SH2D4B: variants seen among roughly 807,000 people sequenced by gnomAD.
SH2D4B encodes the protein SH2 domain-containing protein 4B.
In SH2D4B, 45 loss-of-function variants were observed where a neutral mutation model predicts 61.5. The observed-to-expected ratio is 0.73, with a 90% confidence interval of 0.58 to 0.94. SH2D4B has a LOEUF of 0.94. SH2D4B is among the 40% of genes least tolerant of loss of function. The pLI, the probability that SH2D4B is intolerant of heterozygous loss-of-function variation, is 0.00. For missense variants in SH2D4B, 572 were observed against 574.2 expected (o/e 1.00, Z 0.04); for synonymous variants, 224 against 220.4 (o/e 1.02, Z -0.14).
At chr10:80,640,946 A>G (rs6586121) in intron 7 of SH2D4B, among the ~76,000 whole-genome samples, 36,079 of 152,064 alleles carry the variant, frequency 0.24, 4,487 homozygotes, top group Admixed American at 0.32. Context: ...CTTTGGTTGC[A>G]ATATTGGTGA....
chr10:80,586,889 G>A (rs1252116653), intron 3 of SH2D4B, among the ~76,000 whole-genome samples: 1 of 152,108 alleles, frequency 6.6e-6, no homozygotes, highest in African/African-American at 2.4e-5. Flanking sequence ...CCACCGGGAG[G>A]AACGAGCAAC....
chr10:80,586,805 C>T (rs1046363725), intron 3 of SH2D4B, among the ~76,000 whole-genome samples: 3 of 152,288 alleles, frequency 2.0e-5, no homozygotes, highest in Non-Finnish European at 2.9e-5. Context: ...TTTGGTTCCA[C>T]GCTGCCTTTA....
chr10:80,541,178 A>C (rs575942587), intron 1 of SH2D4B, among the ~76,000 whole-genome samples: 4 of 152,012 alleles, frequency 2.6e-5, no homozygotes, highest in Non-Finnish European at 5.9e-5. Context: ...GAAGAGGAGG[A>C]GATTTCAGGG....
At chr10:80,565,523 C>T (rs187814197) in intron 1 of SH2D4B, among the ~76,000 whole-genome samples, 3 of 151,980 alleles carry the variant, frequency 2.0e-5, no homozygotes, top group Admixed American at 1.3e-4. Context: ...AGCCTCCCTG[C>T]TAGCTGGGAC....
At chr10:80,568,390 G>A (rs1379474261) in intron 1 of SH2D4B, among the ~76,000 whole-genome samples, 3 of 152,132 alleles carry the variant, frequency 2.0e-5, no homozygotes, top group Admixed American at 6.6e-5. Context: ...GCAATCTTTC[G>A]GCAAGGAGGT....
intron 4 of SH2D4B, among the ~76,000 whole-genome samples, chr10:80,598,105 G>T (rs4934370): frequency 1 from 152,104 of 152,346 alleles, 75,931 homozygotes; most frequent in Middle Eastern, 1. Flanking sequence ...GGAGTCCTGT[G>T]CTAGCTCTGC....
chr10:80,557,472 A>G (rs1398066922), intron 1 of SH2D4B, among the ~76,000 whole-genome samples: 1 of 152,106 alleles, frequency 6.6e-6, no homozygotes, highest in African/African-American at 2.4e-5. Flanking sequence ...TAAATGTTTG[A>G]TGGAATTTAC....
chr10:80,610,897 G>T (rs1280479473), intron 6 of SH2D4B, among the ~76,000 whole-genome samples: 1 of 152,204 alleles, frequency 6.6e-6, no homozygotes, highest in Non-Finnish European at 1.5e-5. Flanking sequence ...TTAGTCAGGC[G>T]CAGTGGCTCA....
At chr10:80,580,224 G>A (rs114963994) in intron 3 of SH2D4B, among the ~76,000 whole-genome samples, 2,334 of 152,310 alleles carry the variant, frequency 0.015, 61 homozygotes, top group African/African-American at 0.051. Flanking sequence ...ATTTTGACAG[G>A]CTGGGAAGCC....
intron 1 of SH2D4B, among the ~76,000 whole-genome samples, chr10:80,560,691 AGC>A (rs1564768594): frequency 5.2e-5 from 7 of 134,784 alleles, no homozygotes; most frequent in African/African-American, 1.7e-4. Flanking sequence ...TTCCTGGCCA[AGC>A]TTTTTTTTTT....
At chr10:80,562,962 C>T (rs1841921570) in intron 1 of SH2D4B, among the ~76,000 whole-genome samples, 1 of 124,884 alleles carries the variant, frequency 8.0e-6, no homozygotes, top group Non-Finnish European at 1.6e-5. Context: ...AGTGCAGTGG[C>T]GGGATCTCGG....
At chr10:80,541,085 C>T (rs1229544182) in intron 1 of SH2D4B, among the ~76,000 whole-genome samples, 5 of 152,190 alleles carry the variant, frequency 3.3e-5, no homozygotes, top group East Asian at 1.9e-4. Flanking sequence ...CTCATGAGAA[C>T]GTGTCACACC....
Position 80,609,548 on chromosome 10 carries a change from C to T in SH2D4B, c.985C>T (p.His329Tyr), listed in dbSNP as rs1266895784. 2 of 1,614,212 alleles carry T rather than the reference C, an allele frequency of 1.2e-6. No homozygotes were observed. The highest frequency in any genetic ancestry group is 1.7e-6 in the Non-Finnish European group (2 of 1,180,032). The change falls in exon 6 of 8, where the codon CAT (histidine) becomes TAT (tyrosine). Residue 329 changes from histidine (H) to tyrosine (Y), a missense_variant. His to Tyr is a moderately conservative substitution (Grantham distance 83). Transcript: ENST00000646907. ...RNTKFIAPWF[H>Y]GIISREDAEA... ...CACCAAGTTCATCGCCCCCTGGTTC[C>T]ATGGTAGCACCATTTTTCTGGGCCC...
intron 1 of SH2D4B, among the ~76,000 whole-genome samples, chr10:80,551,096 A>G (rs960396112): frequency 6.6e-6 from 1 of 152,192 alleles, no homozygotes; most frequent in African/African-American, 2.4e-5. Context: ...TCTGTTGCCC[A>G]GGCTGGAGTG....
chr10:80,638,222 A>C (rs558930723), intron 7 of SH2D4B, among the ~76,000 whole-genome samples: 1 of 152,346 alleles, frequency 6.6e-6, no homozygotes, highest in South Asian at 2.1e-4. Flanking sequence ...ATCGATGTTC[A>C]TCAGGGATAT....
intron 7 of SH2D4B, 146 bp from the exon 8 acceptor site, chr10:80,643,847 T>C: frequency 2.0e-6 from 1 of 490,030 alleles, no homozygotes; most frequent in East Asian, 3.4e-5. Flanking sequence ...AAGGCAGCTC[T>C]TTTTTCCTGT....
rs143105607 is a variant in SH2D4B, at chr10:80,617,572, A to C, written c.988+8021A>C. 6.6e-5 allele frequency among the ~76,000 whole-genome samples: 10 copies of C among 152,304 alleles called. 1 individual carries two copies. Among genetic ancestry groups the C allele is most frequent in the African/African-American group, 2.4e-4 (10 of 41,570 alleles). The stretch of plus-strand genomic sequence containing the variant: ...AAGTACAGGGTGTGTGGTGATGAAC[A>C]AAACTGGTGCCTTCCCTACCCTCAT... On this transcript the variant is annotated intron_variant, in intron 6 of 7. Coordinates refer to ENST00000646907, the MANE Select transcript of SH2D4B (RefSeq NM_001388272.1).
At chr10:80,641,599 G>A (rs1448442322) in intron 7 of SH2D4B, among the ~76,000 whole-genome samples, 1 of 152,250 alleles carries the variant, frequency 6.6e-6, no homozygotes, top group Admixed American at 6.5e-5. Context: ...CAGGCTGTTT[G>A]CCTCTAAAGA....
chr10:80,616,375 C>T (rs563266168), intron 6 of SH2D4B, among the ~76,000 whole-genome samples: 1 of 152,294 alleles, frequency 6.6e-6, no homozygotes, highest in African/African-American at 2.4e-5. Flanking sequence ...TAAGTTCTTG[C>T]TTTAGCGGTT....
Sources: allele counts gnomAD v4.1 joint callset (sites outside exome capture counted in the v4.1 genomes callset), GRCh38; gene constraint gnomAD v4.1.1; transcripts MANE v1.5; gene names NCBI Gene and HGNC (gene_info 2026-07-23, HGNC 2026-07-21).